The following RABGAP1L variants were observed in gnomAD, a reference collection of about 807,000 sequenced individuals.
The protein encoded by RABGAP1L is RAB GTPase activating protein 1 like.
In RABGAP1L, 63 loss-of-function variants were observed where a neutral mutation model predicts 137.7. The observed-to-expected ratio is 0.46, with a 90% CI of 0.37 to 0.56. The LOEUF is 0.56. Among genes scored for constraint, RABGAP1L ranks in the 20% least tolerant of loss-of-function variants. The pLI, the probability that RABGAP1L is intolerant of heterozygous loss-of-function variation, is 0.00. For synonymous variants in RABGAP1L, 431 were observed against 433.7 expected (o/e 0.99, Z 0.08); for missense variants, 1,095 against 1,244.0 (o/e 0.88, Z 1.80).
Position 174,330,620 on chromosome 1 carries a change from G to T in RABGAP1L, c.1465+25493G>T, listed in dbSNP as rs563173747. Among the ~76,000 whole-genome samples, 10 of 151,830 alleles carry T rather than the reference G, an allele frequency of 6.6e-5. No individual in the cohort carries two copies. In the South Asian group the frequency reaches 1.9e-3, roughly 28 times the overall value. On this transcript the variant is annotated intron_variant, in intron 11 of 25. Transcript: ENST00000681986. Reference sequence around the variant, plus strand: ...AACAAACAAACAAAACACCTACCTAGGAATATACTTAAGGAAGTGAAAGAT... The same window carrying T: ...AACAAACAAACAAAACACCTACCTATGAATATACTTAAGGAAGTGAAAGAT...
chr1:174,756,352 G>A (rs768562594), intron 18 of RABGAP1L, among the ~76,000 whole-genome samples: 35 of 152,076 alleles, frequency 2.3e-4, no homozygotes, highest in Non-Finnish European at 4.7e-4. Context: ...GTTTCACCAT[G>A]TTGGCCAGGC....
chr1:174,961,072 CTT>C (rs2149349239), intron 20 of RABGAP1L, among the ~76,000 whole-genome samples: 1 of 152,226 alleles, frequency 6.6e-6, no homozygotes, highest in East Asian at 1.9e-4. Flanking sequence ...AGAAAGGAAA[CTT>C]TTTTGAAAGA....
rs575664070 is a variant in RABGAP1L at position 174,223,131 on chromosome 1, G to A, written c.331+1967G>A. Among the ~76,000 whole-genome samples the A allele has an allele frequency of 1.3e-3, 191 of 151,976 alleles. 2 individuals are homozygous for A. The highest frequency in any genetic ancestry group is 4.4e-3 in the African/African-American group (184 of 41,476). Reference sequence around the variant, plus strand: ...AAAAATACAAAAATTAACTGGGTGTGGCAGCACATGCCTGTAGTCCCAGCT... The same window carrying A: ...AAAAATACAAAAATTAACTGGGTGTAGCAGCACATGCCTGTAGTCCCAGCT... On this transcript the variant is annotated intron_variant, in intron 3 of 25. Transcript: ENST00000681986.
chr1:174,486,980 G>A (rs1253484533), intron 13 of RABGAP1L, among the ~76,000 whole-genome samples: 2 of 151,838 alleles, frequency 1.3e-5, no homozygotes, highest in Non-Finnish European at 2.9e-5. Flanking sequence ...TTCCATTGTG[G>A]TTAGACACTT....
rs199500625 is a variant in RABGAP1L at position 174,300,394 on chromosome 1, G to T, written c.1324-4592G>T. ...TACAAAATTAGCAGGTTGTGGTGGCGCATGCCTGTAATCCCAGCTACTTGG... is the reference window on the plus strand; with the variant it reads ...TACAAAATTAGCAGGTTGTGGTGGCTCATGCCTGTAATCCCAGCTACTTGG... On this transcript the variant is annotated intron_variant, in intron 10 of 25. Coordinates refer to ENST00000681986, the MANE Select transcript of RABGAP1L (RefSeq NM_001366446.1). Among the ~76,000 whole-genome samples, 7 of 151,876 alleles carry T rather than the reference G, an allele frequency of 4.6e-5. No homozygotes were observed. In the East Asian group the frequency reaches 1.2e-3, roughly 25 times the overall value.
chr1:174,643,148 T>C (rs1235545502), intron 14 of RABGAP1L, among the ~76,000 whole-genome samples: 1 of 152,054 alleles, frequency 6.6e-6, no homozygotes, highest in African/African-American at 2.4e-5. Flanking sequence ...TGGAACTCCT[T>C]CCACTCATAT....
At chr1:174,625,757 A>G (rs538500742) in intron 13 of RABGAP1L, among the ~76,000 whole-genome samples, 1 of 152,352 alleles carries the variant, frequency 6.6e-6, no homozygotes, top group Non-Finnish European at 1.5e-5. Flanking sequence ...TTGGCCATAT[A>G]TGGATGCACA....
intron 13 of RABGAP1L, among the ~76,000 whole-genome samples, chr1:174,467,106 G>T (rs915714296): frequency 4.6e-5 from 7 of 152,124 alleles, no homozygotes; most frequent in Non-Finnish European, 8.8e-5. Context: ...CCCTTTAAAT[G>T]CATGTGCACA....
At chr1:174,799,289 A>C (rs1344130284) in intron 18 of RABGAP1L, among the ~76,000 whole-genome samples, 2 of 152,190 alleles carry the variant, frequency 1.3e-5, no homozygotes, top group Non-Finnish European at 2.9e-5. Context: ...TTGCATAAAC[A>C]CTTCAACTTG....
intron 14 of RABGAP1L, among the ~76,000 whole-genome samples, chr1:174,662,102 CTTTTTTT>C (rs749496325): frequency 1.9e-4 from 17 of 90,272 alleles, no homozygotes; most frequent in Non-Finnish European, 3.0e-4. Context: ...CTTTTCTTTT[CTTTTTTT>C]TTTTTTTTTT....
rs1405571978 is a variant in RABGAP1L, at chr1:174,195,704, C to CT, written c.-33-23421_-33-23420insT. 3.8e-3 allele frequency among the ~76,000 whole-genome samples: 404 copies of CT among 105,484 alleles called. 6 individuals carry two copies. Among genetic ancestry groups the CT allele is most frequent in the African/African-American group, 0.018 (373 of 20,808 alleles). 69.2% of individuals were successfully genotyped at this position (105,484 alleles called of 152,430 possible). Reference sequence around the variant, plus strand: ...TCCTTCTTTCCTTCTTTCCTTCTTTCCTTCTTTCTTTTCTTTCTTTTCTTT... The same window carrying CT: ...TCCTTCTTTCCTTCTTTCCTTCTTTCTCTTCTTTCTTTTCTTTCTTTTCTTT... On this transcript the variant is annotated intron_variant, in intron 1 of 25. Coordinates refer to ENST00000681986, the MANE Select transcript of RABGAP1L (RefSeq NM_001366446.1).
chr1:174,434,171 G>A (rs930607974), intron 13 of RABGAP1L, among the ~76,000 whole-genome samples: 2 of 144,044 alleles, frequency 1.4e-5, no homozygotes, highest in Non-Finnish European at 1.5e-5. Context: ...GGGCAACTAG[G>A]GTTCTGATTT....
chr1:174,793,871 A>G (rs1207189562), intron 18 of RABGAP1L, among the ~76,000 whole-genome samples: 1 of 152,000 alleles, frequency 6.6e-6, no homozygotes, highest in East Asian at 1.9e-4. Flanking sequence ...TAATTTTTGT[A>G]TTTTTAGTAG....
intron 13 of RABGAP1L, among the ~76,000 whole-genome samples, chr1:174,421,891 C>T (rs1417135441): frequency 6.6e-6 from 1 of 152,196 alleles, no homozygotes; most frequent in Non-Finnish European, 1.5e-5. Flanking sequence ...GCCTTATCCT[C>T]CTGAGTAGCT....
chr1:174,888,533 C>T (rs1655565286), intron 19 of RABGAP1L, among the ~76,000 whole-genome samples: 1 of 152,162 alleles, frequency 6.6e-6, no homozygotes, highest in Non-Finnish European at 1.5e-5. Flanking sequence ...CCTATAACTT[C>T]CCTATGTCAG....
intron 9 of RABGAP1L, 93 bp downstream of exon 9, chr1:174,276,028 A>C: frequency 1.2e-6 from 1 of 867,756 alleles, no homozygotes; most frequent in Middle Eastern, 2.3e-4. Flanking sequence ...TTTGGAACTC[A>C]AAGTGGACTT....
chr1:174,797,522 G>C, intron 18 of RABGAP1L, among the ~76,000 whole-genome samples: 1 of 138,410 alleles, frequency 7.2e-6, no homozygotes, highest in East Asian at 2.2e-4. Context: ...TGTGTAGGGG[G>C]TGTGTGTGTG....
At chr1:174,374,029 A>G (rs921897242) in intron 12 of RABGAP1L, among the ~76,000 whole-genome samples, 2 of 152,224 alleles carry the variant, frequency 1.3e-5, no homozygotes, top group African/African-American at 2.4e-5. Context: ...ACTGATAAGA[A>G]AAAAAACAGC....
chr1:174,288,096 T>C (rs1011689163), intron 10 of RABGAP1L, among the ~76,000 whole-genome samples: 1 of 152,196 alleles, frequency 6.6e-6, no homozygotes, highest in Non-Finnish European at 1.5e-5. Flanking sequence ...ATACAAAAAT[T>C]CTACACTTTT....
Sources: allele counts gnomAD v4.1 joint callset (sites outside exome capture counted in the v4.1 genomes callset), GRCh38; gene constraint gnomAD v4.1.1; transcripts MANE v1.5; gene names NCBI Gene and HGNC (gene_info 2026-07-23, HGNC 2026-07-21).